The following TMEM132C variants were observed in gnomAD, a reference collection of about 807,000 sequenced individuals.
TMEM132C encodes the protein transmembrane protein 132C, also known as protein phosphatase 1, regulatory subunit 152.
TMEM132C carries 29 observed loss-of-function variants against 61.4 expected under a neutral mutation model. The observed-to-expected ratio is 0.47, with a 90% CI of 0.35 to 0.64. TMEM132C has a LOEUF of 0.64. Among genes scored for constraint, TMEM132C ranks in the 30% least tolerant of loss-of-function variants. The pLI is 0.00. For synonymous variants in TMEM132C, 656 were observed against 633.1 expected, an observed-to-expected ratio of 1.04 and a Z score of -0.54; for missense variants, 1,408 against 1,476.9, an observed-to-expected ratio of 0.95 and a Z score of 0.76.
At chr12:128,297,909 C>G (rs945471219) in intron 1 of TMEM132C, among the ~76,000 whole-genome samples, 3 of 152,068 alleles carry the variant, frequency 2.0e-5, no homozygotes, top group Admixed American at 2.0e-4. Flanking sequence ...TGGAAGAAAA[C>G]CCAACAAAAT....
At chr12:128,639,063 GATGATGATGGTGAT>G (rs1380997329) in intron 4 of TMEM132C, among the ~76,000 whole-genome samples, 1 of 134,078 alleles carries the variant, frequency 7.5e-6, no homozygotes, top group Admixed American at 7.7e-5. Flanking sequence ...CAATGGTGAT[GATGATGATGGTGAT>G]ATGATGATGA....
chr12:128,596,261 G>C (rs1479855474), intron 3 of TMEM132C, among the ~76,000 whole-genome samples: 76 of 108,160 alleles, frequency 7.0e-4, no homozygotes, highest in East Asian at 1.1e-3. Flanking sequence ...CCCATGTTCT[G>C]TCCATCACAC....
intron 2 of TMEM132C, among the ~76,000 whole-genome samples, chr12:128,448,398 A>C (rs529072653): frequency 1.3e-5 from 2 of 152,316 alleles, no homozygotes; most frequent in East Asian, 3.9e-4. Context: ...TCTGAGGTCA[A>C]CTGCCAGTCA....
intron 1 of TMEM132C, among the ~76,000 whole-genome samples, chr12:128,317,768 C>T (rs1409077933): frequency 6.6e-6 from 1 of 152,174 alleles, no homozygotes; most frequent in East Asian, 1.9e-4. Context: ...ACCTGTAGTC[C>T]TAGCTACTAG....
rs188777076 is a variant in TMEM132C, at chr12:128,677,800, G to C, written c.1449+8240G>C. Among the ~76,000 whole-genome samples the C allele has an allele frequency of 1.9e-3, 284 of 152,340 alleles. 2 individuals carry two copies. The highest frequency in any genetic ancestry group is 6.4e-3 in the African/African-American group (268 of 41,578). ...ATCTATTGAATTTCCAGTGCAGCCT[G>C]TCTGACCTCCAGGGCACGATACTAG... is the stretch of plus-strand genomic sequence containing the variant. On this transcript the variant is annotated intron_variant, in intron 5 of 8. Coordinates refer to ENST00000435159, the MANE Select transcript of TMEM132C (RefSeq NM_001136103.3).
chr12:128,699,190 T>C (rs1051120001), intron 8 of TMEM132C, among the ~76,000 whole-genome samples: 2 of 152,164 alleles, frequency 1.3e-5, no homozygotes, highest in African/African-American at 4.8e-5. Context: ...GCTAGAGTGA[T>C]GATGCTCAGT....
At chr12:128,474,944 C>T (rs1488783629) in intron 2 of TMEM132C, among the ~76,000 whole-genome samples, 1 of 152,118 alleles carries the variant, frequency 6.6e-6, no homozygotes, top group Non-Finnish European at 1.5e-5. Context: ...CCCGACAGTG[C>T]CCCCTTTGGA....
At chr12:128,417,734 A>G (rs1245228503) in intron 2 of TMEM132C, among the ~76,000 whole-genome samples, 1 of 152,196 alleles carries the variant, frequency 6.6e-6, no homozygotes, top group East Asian at 1.9e-4. Flanking sequence ...TCAATATTGA[A>G]TATTACTAAC....
chr12:128,642,814 AAGTAAT>A (rs1346202438), intron 4 of TMEM132C, among the ~76,000 whole-genome samples: 1 of 152,212 alleles, frequency 6.6e-6, no homozygotes, highest in Non-Finnish European at 1.5e-5. Context: ...CAGAACGGTT[AAGTAAT>A]TTGCCAAGGA....
intron 1 of TMEM132C, among the ~76,000 whole-genome samples, chr12:128,320,797 A>G (rs2135934707): frequency 6.8e-6 from 1 of 147,442 alleles, no homozygotes; most frequent in East Asian, 2.0e-4. Context: ...AAACAAAAAA[A>G]GGTGAAGATA....
In TMEM132C at chr12:128,585,869, C is replaced by T. The variant is rs143836813; in HGVS notation, c.1122-30283C>T. Among the ~76,000 whole-genome samples, 1,148 of 152,032 alleles carry T rather than the reference C, an allele frequency of 7.6e-3. 4 individuals are homozygous for T. Among genetic ancestry groups the T allele is most frequent in the Non-Finnish European group, 0.011 (731 of 67,974 alleles). On this transcript the variant is annotated intron_variant, in intron 3 of 8. Coordinates refer to ENST00000435159, the MANE Select transcript of TMEM132C (RefSeq NM_001136103.3). Reference sequence around the variant, plus strand: ...TTCATAGAGACGGAAAATACAAGGGCGGGTGCCAGGGGCTGGGATGAGGGG... The same window carrying T: ...TTCATAGAGACGGAAAATACAAGGGTGGGTGCCAGGGGCTGGGATGAGGGG...
intron 3 of TMEM132C, among the ~76,000 whole-genome samples, chr12:128,594,947 C>T (rs1875894706): frequency 6.6e-6 from 1 of 152,132 alleles, no homozygotes; most frequent in Non-Finnish European, 1.5e-5. Flanking sequence ...TGAAAAATGC[C>T]CCTAGCTGTC....
chr12:128,361,040 C>T (rs1351686235), intron 1 of TMEM132C, among the ~76,000 whole-genome samples: 1 of 152,128 alleles, frequency 6.6e-6, no homozygotes, highest in African/African-American at 2.4e-5. Context: ...AGAAGTAAGA[C>T]AGTGTTTGTG....
At chr12:128,269,426 C>G (rs1278764070) in intron 1 of TMEM132C, among the ~76,000 whole-genome samples, 4 of 148,366 alleles carry the variant, frequency 2.7e-5, no homozygotes, top group African/African-American at 1.0e-4. Context: ...TACAGATGTC[C>G]ATGTGTTCAG....
At chr12:128,615,977 C>T (rs2135583674) in intron 3 of TMEM132C, among the ~76,000 whole-genome samples, 175 bp from the exon 4 acceptor site, 1 of 152,344 alleles carries the variant, frequency 6.6e-6, no homozygotes, top group South Asian at 2.1e-4. Flanking sequence ...GCTTCTCTGT[C>T]CCAGATGCCA....
intron 3 of TMEM132C, among the ~76,000 whole-genome samples, chr12:128,553,960 T>A (rs1874254280): frequency 6.6e-6 from 1 of 152,230 alleles, no homozygotes. Flanking sequence ...CGGGGGTGTC[T>A]GTGCCCAGGA....
At chr12:128,616,029 C>A (rs982773121) in intron 3 of TMEM132C, 123 bp from the exon 4 acceptor site, 3 of 1,256,052 alleles carry the variant, frequency 2.4e-6, no homozygotes, top group Non-Finnish European at 3.2e-6. Flanking sequence ...GGATCCCCCA[C>A]CAAAACCCTG....
At chr12:128,622,360 A>AAATAT (rs1277080166) in intron 4 of TMEM132C, among the ~76,000 whole-genome samples, 20 of 30,108 alleles carry the variant, frequency 6.6e-4, no homozygotes, top group East Asian at 1.1e-3. Context: ...AAAAAAAAAA[A>AAATAT]ATATATATAT....
At chr12:128,559,191 ACAC>A (rs1450017313) in intron 3 of TMEM132C, among the ~76,000 whole-genome samples, 2 of 151,882 alleles carry the variant, frequency 1.3e-5, no homozygotes, top group East Asian at 1.9e-4. Context: ...ACACACACAC[ACAC>A]ATTTCCTCTC....
Sources: allele counts gnomAD v4.1 joint callset (sites outside exome capture counted in the v4.1 genomes callset), GRCh38; gene constraint gnomAD v4.1.1; transcripts MANE v1.5; gene names NCBI Gene and HGNC (gene_info 2026-07-23, HGNC 2026-07-21).